The following FSIP2 variants were observed in gnomAD, a reference collection of about 807,000 sequenced individuals.
FSIP2 encodes fibrous sheath interacting protein 2.
Under a neutral mutation model 510.5 loss-of-function variants are expected in FSIP2, and 367 were observed. That is an observed-to-expected ratio of 0.72 (90% CI 0.66 to 0.78). FSIP2 has a LOEUF of 0.78. Ranked by LOEUF, FSIP2 falls within the 30% of genes least tolerant of loss-of-function variation. The pLI is 0.00. For missense variants in FSIP2, 7,594 were observed against 7,901.7 expected (o/e 0.96, Z 1.48); for synonymous variants, 2,601 against 2,732.2 (o/e 0.95, Z 1.50).
chr2:185,812,386 C>A (rs538820179), intron 17 of FSIP2, among the ~76,000 whole-genome samples: 2 of 152,088 alleles, frequency 1.3e-5, no homozygotes, highest in African/African-American at 4.8e-5. Flanking sequence ...TGAATGTTTG[C>A]CCAATGCCTG....
At chr2:185,825,260 T>A (rs2193822) in intron 20 of FSIP2, among the ~76,000 whole-genome samples, 2 of 151,662 alleles carry the variant, frequency 1.3e-5, no homozygotes, top group East Asian at 2.0e-4. Flanking sequence ...CTATAATGTC[T>A]GAATTGTGGA....
chr2:185,828,473 A>G (rs1694053200), intron 21 of FSIP2, among the ~76,000 whole-genome samples: 1 of 151,740 alleles, frequency 6.6e-6, no homozygotes, highest in Non-Finnish European at 1.5e-5. Flanking sequence ...TCTAAGTACA[A>G]TTCTGTTTAT....
chr2:185,811,665 A>G (rs1451884037), intron 17 of FSIP2, among the ~76,000 whole-genome samples: 2 of 152,118 alleles, frequency 1.3e-5, no homozygotes, highest in Non-Finnish European at 2.9e-5. Context: ...AGCATTTCAG[A>G]GACCCTCACT....
At position 185,808,903 on chromosome 2, in the gene FSIP2, G is replaced by A; in HGVS notation, c.19597G>A (p.Asp6533Asn). 1.9e-6 allele frequency: 3 copies of A among 1,605,290 alleles called. No homozygotes were observed. The highest frequency in any genetic ancestry group is 2.5e-6 in the Non-Finnish European group (3 of 1,177,506). The change falls in exon 17 of 23, where the codon GAT becomes AAT. Residue 6533 changes from aspartate to asparagine, a missense_variant. Asp to Asn is a conservative substitution (Grantham distance 23). Transcript: ENST00000424728. ...TGTTGGAAAAAAACCAGTCAAAATA[G>A]ATCCAAAAATTATTTCAGAACACTT... is the stretch of plus-strand genomic sequence containing the variant. ...PHVGKKPVKI[D>N]PKIISEHLAV...
Position 185,772,823 on chromosome 2 carries a change from C to T in FSIP2, c.1411+8258C>T, listed in dbSNP as rs559561788. The stretch of plus-strand genomic sequence containing the variant: ...TTCTTTTCCTCCCCTCCCCTCCTCT[C>T]CTCTTCTCTTTTTCTTCTCCTTTCT... On this transcript the variant is annotated intron_variant, in intron 13 of 22. Transcript: ENST00000424728. Among the ~76,000 whole-genome samples, 122 of 151,364 alleles carry T rather than the reference C, an allele frequency of 8.1e-4. 2 individuals carry two copies. The highest frequency in any genetic ancestry group is 1.1e-3 in the Admixed American group (16 of 15,168).
Position 185,805,599 on chromosome 2 carries a change from C to G in FSIP2, c.16293C>G (p.Ser5431Arg), listed in dbSNP as rs1362603830. The change falls in exon 17 of 23, where the codon AGC becomes AGG. Residue 5431 changes from serine (S) to arginine (R), a missense_variant. By Grantham distance (110) the Ser-to-Arg change is moderately radical. Transcript: ENST00000424728. ...CACAAAACACCTTTACACAAATAAGCAGATGTGCAAAAGAGAACCAACTTT... is the reference window on the plus strand; with the variant it reads ...CACAAAACACCTTTACACAAATAAGGAGATGTGCAAAAGAGAACCAACTTT... The part of the protein sequence containing the change: ...HLPQNTFTQI[S>R]RCAKENQLSL... 2 of 1,608,740 alleles carry G rather than the reference C, an allele frequency of 1.2e-6. No homozygotes were observed. The highest frequency in any genetic ancestry group is 1.7e-5 in the Admixed American group (1 of 59,122).
chr2:185,790,382 GA>G lies in FSIP2; in HGVS notation c.3252del (p.Lys1084AsnfsTer19), dbSNP rs1559025750. 2.6e-6 allele frequency: 4 copies of G among 1,526,948 alleles called. No individual in the cohort carries two copies. In the Admixed American group the frequency reaches 6.1e-5, roughly 23 times the overall value. The allele number at this position is 1,526,948 out of a possible 1,614,324, so 94.6% of individuals were successfully genotyped here. A position where few individuals can be genotyped will look rare whatever the true frequency, so the allele number is the denominator to read the frequency against. On this transcript the variant is annotated frameshift_variant, in exon 16 of 23. Coordinates refer to ENST00000424728, the MANE Select transcript of FSIP2 (RefSeq NM_173651.4). LOFTEE classifies it high-confidence loss of function. ...PSTNHEDILK[K>X]KLSSNKDIST... ...CTACTAATCATGAAGATATTTTAAAGAAAAAACTTTCTTCGAATAAAGACAT... is the reference window on the plus strand; with the variant it reads ...CTACTAATCATGAAGATATTTTAAAGAAAAACTTTCTTCGAATAAAGACAT...
In FSIP2 at chr2:185,786,982, C is replaced by T. The variant is rs138449504; in HGVS notation, c.1506+694C>T. On this transcript the variant is annotated intron_variant, in intron 15 of 22. Transcript: ENST00000424728. ...CTATCATATTTCACTACAAAGAAAA[C>T]GTTAGAAATATATCCCTCTTTTATA... is the stretch of plus-strand genomic sequence containing the variant. Among the ~76,000 whole-genome samples the T allele has an allele frequency of 4.0e-3, 607 of 151,744 alleles. 5 individuals carry two copies. The highest frequency in any genetic ancestry group is 0.014 in the African/African-American group (582 of 41,456).
intron 13 of FSIP2, among the ~76,000 whole-genome samples, chr2:185,778,458 A>G (rs185923038): frequency 8.2e-4 from 125 of 152,128 alleles, no homozygotes; most frequent in Non-Finnish European, 1.3e-3. Context: ...ATTTTTTTCT[A>G]AATCATGTTT....
rs1693186515 is a variant in FSIP2 at position 185,793,396 on chromosome 2, AACTTCAAATACAAGAT to A, written c.6263_6278del (p.Leu2088ProfsTer26). The stretch of plus-strand genomic sequence containing the variant: ...GAGACCAAATATCGAAAAGTACTTC[AACTTCAAATACAAGAT>A]ACCATTGAAGGTATCCTATGTGATA... On this transcript the variant is annotated frameshift_variant, in exon 16 of 23. Coordinates refer to ENST00000424728, the MANE Select transcript of FSIP2 (RefSeq NM_173651.4). LOFTEE classifies it high-confidence loss of function. The A allele has an allele frequency of 6.5e-7, 1 of 1,533,804 alleles. No individual in the cohort carries two copies. The highest frequency in any genetic ancestry group is 1.4e-5 in the African/African-American group (1 of 72,852).
At chr2:185,740,896 A>C (rs553265451) in intron 2 of FSIP2, among the ~76,000 whole-genome samples, 69 of 152,242 alleles carry the variant, frequency 4.5e-4, no homozygotes, top group African/African-American at 1.6e-3. Flanking sequence ...TTTTGGGGGC[A>C]TACAGTCAAT....
In FSIP2 at chr2:185,807,508, C is replaced by G; in HGVS notation, c.18202C>G (p.Gln6068Glu). ...CTCCCAAGATAAATATATGACTATA[C>G]AGTATGTAGAAACCTTACAATCTGA... is the stretch of plus-strand genomic sequence containing the variant. Reference protein sequence around the residue: ...EISQDKYMTIQYVETLQSDDD... With the variant: ...EISQDKYMTIEYVETLQSDDD... The change falls in exon 17 of 23, where the codon CAG (glutamine) becomes GAG (glutamate). Residue 6068 changes from glutamine (Q) to glutamate (E), a missense_variant. By Grantham distance (29) the Gln-to-Glu change is conservative. Transcript: ENST00000424728. 1 of 1,611,058 alleles carries G rather than the reference C, an allele frequency of 6.2e-7. No homozygotes were observed. Among genetic ancestry groups the G allele is most frequent in the Admixed American group, 1.7e-5 (1 of 59,824 alleles).
At position 185,807,964 on chromosome 2, in the gene FSIP2, G is replaced by T. The variant is rs1450855990; in HGVS notation, c.18658G>T (p.Val6220Phe). 1.2e-6 allele frequency: 2 copies of T among 1,609,586 alleles called. No homozygotes were observed. Among genetic ancestry groups the T allele is most frequent in the South Asian group, 1.1e-5 (1 of 90,554 alleles). ...QKITSKVLNS[V>F]QEFISKSKIK... ...AATAACTTCAAAAGTACTAAATTCAGTCCAAGAATTTATCTCCAAAAGTAA... is the reference window on the plus strand; with the variant it reads ...AATAACTTCAAAAGTACTAAATTCATTCCAAGAATTTATCTCCAAAAGTAA... The change falls in exon 17 of 23, where the codon GTC becomes TTC. Residue 6220 changes from valine (V) to phenylalanine (F), a missense_variant. Transcript: ENST00000424728.
Position 185,789,622 on chromosome 2 carries a change from A to T in FSIP2, c.2486A>T (p.Glu829Val). The stretch of plus-strand genomic sequence containing the variant: ...GAGGACATGGTGCATGCCATTTTAG[A>T]AAAGCTAATGACTCTTGTTTCTTTT... ...IAEDMVHAIL[E>V]KLMTLVSFKQ... The change falls in exon 16 of 23, where the codon GAA (glutamate) becomes GTA (valine). Residue 829 changes from glutamate (E) to valine (V), a missense_variant. Glu to Val is a moderately radical substitution (Grantham distance 121). Transcript: ENST00000424728. 6.5e-7 allele frequency: 1 copy of T among 1,534,710 alleles called. No homozygotes were observed.
Position 185,807,941 on chromosome 2 carries a change from T to C in FSIP2, c.18635T>C (p.Ile6212Thr). 6.2e-7 allele frequency: 1 copy of C among 1,605,264 alleles called. No individual in the cohort carries two copies. The highest frequency in any genetic ancestry group is 8.5e-7 in the Non-Finnish European group (1 of 1,177,048). Residue 6212 changes from isoleucine (I) to threonine (T), a missense_variant, in exon 17 of 23, where the codon ATA becomes ACA. Ile to Thr is a moderately conservative substitution (Grantham distance 89). Transcript: ENST00000424728. ...TKSLETDMQK[I>T]TSKVLNSVQE... ...TCTCTAGAGACTGATATGCAAAAAA[T>C]AACTTCAAAAGTACTAAATTCAGTC... is the stretch of plus-strand genomic sequence containing the variant.
chr2:185,794,338 A>G lies in FSIP2; in HGVS notation c.7202A>G (p.Asp2401Gly). The G allele has an allele frequency of 6.6e-7, 1 of 1,517,340 alleles. No homozygotes were observed. Among genetic ancestry groups the G allele is most frequent in the Non-Finnish European group, 8.8e-7 (1 of 1,139,384 alleles). 94.0% of individuals were successfully genotyped at this position (1,517,340 alleles called of 1,614,324 possible). ...EIVDSMLKML[D>G]DKRSVKEICF... ...GTTGACAGTATGTTAAAGATGTTAG[A>G]TGATAAAAGATCTGTAAAGGAAATT... Residue 2401 changes from aspartate (D) to glycine (G), a missense_variant, in exon 16 of 23, where the codon GAT becomes GGT. Asp to Gly is a moderately conservative substitution (Grantham distance 94). Coordinates refer to ENST00000424728, the MANE Select transcript of FSIP2 (RefSeq NM_173651.4).
Position 185,786,297 on chromosome 2 carries a change from CAT to C in FSIP2, c.1506+11_1506+12del, listed in dbSNP as rs1290335811. On this transcript the variant is annotated intron_variant, in intron 15 of 22. Transcript: ENST00000424728. ...ATTGCTTGCAAGAAAAAGTATGTAT[CAT>C]AAAATCCACCGAGAAAGCAACATAT... 6.6e-7 allele frequency: 1 copy of C among 1,509,428 alleles called. No individual in the cohort carries two copies. Among genetic ancestry groups the C allele is most frequent in the East Asian group, 2.5e-5 (1 of 40,534 alleles). The allele number at this position is 1,509,428 out of a possible 1,614,324, so 93.5% of individuals were successfully genotyped here. A position where few individuals can be genotyped will look rare whatever the true frequency, so the allele number is the denominator to read the frequency against.
rs1452985940 is a variant in FSIP2 at position 185,803,600 on chromosome 2, T to C, written c.14294T>C (p.Ile4765Thr). 1.3e-6 allele frequency: 2 copies of C among 1,531,342 alleles called. No homozygotes were observed. Among genetic ancestry groups the C allele is most frequent in the South Asian group, 1.2e-5 (1 of 83,702 alleles). The allele number at this position is 1,531,342 out of a possible 1,614,324, so 94.9% of individuals were successfully genotyped here. A position where few individuals can be genotyped will look rare whatever the true frequency, so the allele number is the denominator to read the frequency against. The change falls in exon 17 of 23, where the codon ATA (isoleucine) becomes ACA (threonine). Residue 4765 changes from isoleucine (I) to threonine (T), a missense_variant. Coordinates refer to ENST00000424728, the MANE Select transcript of FSIP2 (RefSeq NM_173651.4). ...TCCAAACTCAGTGCAAATGTTTTAA[T>C]ACAAAGAGTTCAATATGATATAAGT... ...SHSKLSANVL[I>T]QRVQYDISKS...
intron 15 of FSIP2, among the ~76,000 whole-genome samples, chr2:185,786,520 T>G (rs1692982381): frequency 6.6e-6 from 1 of 151,964 alleles, no homozygotes. Flanking sequence ...CGAGGTCTCA[T>G]GGGTATAGAA....
Sources: gnomAD v4.1 joint callset for allele counts (sites outside exome capture counted in the v4.1 genomes callset) on GRCh38, gnomAD v4.1.1 for gene constraint, MANE v1.5 for transcripts, NCBI Gene and HGNC (gene_info 2026-07-23, HGNC 2026-07-21) for gene names.